PIBF1: variants seen among roughly 807,000 people sequenced by gnomAD.
The protein encoded by PIBF1 is progesterone immunomodulatory binding factor 1, also known as progesterone-induced-blocking factor 1.
In PIBF1, 90 loss-of-function variants were observed where a neutral mutation model predicts 112.5. The observed-to-expected ratio is 0.80, with a 90% CI of 0.67 to 0.95. The LOEUF (loss-of-function observed/expected upper bound fraction) is 0.95, where lower values mean the gene tolerates loss of function less well. Ranked by LOEUF, PIBF1 falls within the 40% of genes least tolerant of loss-of-function variation. The pLI is 0.00. For synonymous variants in PIBF1, 301 were observed against 288.6 expected (o/e 1.04, Z -0.44); for missense variants, 915 against 852.3 (o/e 1.07, Z -0.92).
At chr13:72,857,778 T>C (rs2038495039) in intron 10 of PIBF1, among the ~76,000 whole-genome samples, 5 of 152,124 alleles carry the variant, frequency 3.3e-5, no homozygotes. Flanking sequence ...AGGCAGAGGT[T>C]GCAGTGAGCC....
rs116772635 is a variant in PIBF1 at position 72,930,381 on chromosome 13, T to G, written c.1731-784T>G. Among the ~76,000 whole-genome samples the G allele has an allele frequency of 4.5e-3, 684 of 152,298 alleles. 7 individuals carry two copies. Among genetic ancestry groups the G allele is most frequent in the African/African-American group, 0.015 (638 of 41,562 alleles). On this transcript the variant is annotated intron_variant, in intron 13 of 17. Coordinates refer to ENST00000326291, the MANE Select transcript of PIBF1 (RefSeq NM_006346.4). The stretch of plus-strand genomic sequence containing the variant: ...GAAAATATGATAAATATGAAAATGT[T>G]AAGTTACTGGAAATGCAGAGAGGTT...
intron 10 of PIBF1, among the ~76,000 whole-genome samples, chr13:72,873,360 A>G (rs1299866257): frequency 6.6e-6 from 1 of 152,194 alleles, no homozygotes; most frequent in Non-Finnish European, 1.5e-5. Context: ...CAAAGGTTGC[A>G]TAAATAGGAC....
Position 72,792,526 on chromosome 13 carries a change from C to A in PIBF1, c.332C>A (p.Ala111Asp). ...LLTLRLDNQL[A>D]FQQKDASKYQ... ...ACATTGAGATTAGACAACCAATTGG[C>A]TTTTCAACAGAAAGATGCCAGGTAA... Residue 111 changes from alanine (A) to aspartate (D), a missense_variant, in exon 3 of 18, where the codon GCT (alanine) becomes GAT (aspartate). Coordinates refer to ENST00000326291, the MANE Select transcript of PIBF1 (RefSeq NM_006346.4). 6.5e-7 allele frequency: 1 copy of A among 1,545,478 alleles called. No homozygotes were observed. The highest frequency in any genetic ancestry group is 8.7e-7 in the Non-Finnish European group (1 of 1,148,388).
intron 11 of PIBF1, among the ~76,000 whole-genome samples, chr13:72,904,997 G>A (rs535254719): frequency 6.6e-6 from 1 of 151,278 alleles, no homozygotes; most frequent in East Asian, 2.0e-4. Flanking sequence ...ATTTAATATC[G>A]CACAACTAGT....
intron 10 of PIBF1, among the ~76,000 whole-genome samples, chr13:72,854,997 CT>C (rs1303941044): frequency 1.3e-5 from 2 of 152,106 alleles, no homozygotes; most frequent in African/African-American, 4.8e-5. Flanking sequence ...ACATTCTACA[CT>C]TTCAATTGTT....
chr13:72,907,888 A>G (rs2040757046), intron 11 of PIBF1, among the ~76,000 whole-genome samples: 1 of 152,152 alleles, frequency 6.6e-6, no homozygotes, highest in Non-Finnish European at 1.5e-5. Context: ...TCAATGAATT[A>G]CCATTGGAGT....
chr13:72,856,857 A>G (rs1030697915), intron 10 of PIBF1, among the ~76,000 whole-genome samples: 1 of 152,182 alleles, frequency 6.6e-6, no homozygotes, highest in African/African-American at 2.4e-5. Context: ...TGACTTTGAA[A>G]CTTGACAAAC....
intron 14 of PIBF1, among the ~76,000 whole-genome samples, chr13:72,942,502 A>G (rs1179871929): frequency 2.0e-5 from 3 of 152,148 alleles, no homozygotes; most frequent in Admixed American, 2.0e-4. Flanking sequence ...CTTAAATGAC[A>G]ATTGTACTCA....
intron 4 of PIBF1, among the ~76,000 whole-genome samples, chr13:72,797,527 G>A (rs1224063000): frequency 6.6e-6 from 1 of 152,188 alleles, no homozygotes; most frequent in Admixed American, 6.5e-5. Context: ...CAAGGCATGA[G>A]CCATGCATTT....
At chr13:72,995,568 G>A (rs1041072719) in intron 16 of PIBF1, among the ~76,000 whole-genome samples, 31 of 152,154 alleles carry the variant, frequency 2.0e-4, no homozygotes, top group Non-Finnish European at 2.8e-4. Flanking sequence ...GTTGTTATAG[G>A]AGAGCCATCT....
At chr13:72,801,756 G>C (rs1165390475) in intron 5 of PIBF1, among the ~76,000 whole-genome samples, 2 of 152,124 alleles carry the variant, frequency 1.3e-5, no homozygotes, top group Admixed American at 6.5e-5. Flanking sequence ...CGCAGTTCTG[G>C]CATATTATTT....
intron 16 of PIBF1, among the ~76,000 whole-genome samples, chr13:72,993,842 A>G (rs1284070393): frequency 3.3e-5 from 5 of 152,066 alleles, no homozygotes; most frequent in Non-Finnish European, 5.9e-5. Context: ...TGTTTCTTTT[A>G]CAGCACCAGC....
intron 11 of PIBF1, among the ~76,000 whole-genome samples, chr13:72,905,147 A>G (rs183239092): frequency 1.3e-5 from 2 of 151,378 alleles, no homozygotes; most frequent in Admixed American, 1.3e-4. Context: ...AGCTCACCGC[A>G]ACCTCTGTCT....
intron 17 of PIBF1, among the ~76,000 whole-genome samples, chr13:73,010,552 G>A (rs1288862013): frequency 3.3e-5 from 5 of 151,966 alleles, no homozygotes; most frequent in Middle Eastern, 3.2e-3. Flanking sequence ...GCAGTGGGCC[G>A]AGATTGCGTG....
rs191265399 is a variant in PIBF1, at chr13:72,990,553, A to G, written c.2050-8269A>G. ...CAAAAAAAAAAAAAAAAAACCTTTT[A>G]AATGAAGTTTAAAGCTGGGCATGGT... On this transcript the variant is annotated intron_variant, in intron 16 of 17. Coordinates refer to ENST00000326291, the MANE Select transcript of PIBF1 (RefSeq NM_006346.4). Among the ~76,000 whole-genome samples the G allele has an allele frequency of 4.4e-3, 654 of 148,528 alleles. 5 individuals are homozygous for G. The highest frequency in any genetic ancestry group is 0.016 in the African/African-American group (632 of 40,436).
intron 10 of PIBF1, among the ~76,000 whole-genome samples, chr13:72,858,023 T>C: frequency 7.1e-6 from 1 of 141,314 alleles, no homozygotes; most frequent in African/African-American, 2.7e-5. Flanking sequence ...CAAATGTACA[T>C]TGTGTGTGTG....
chr13:72,815,475 G>A (rs1023648662), intron 5 of PIBF1, among the ~76,000 whole-genome samples: 3 of 152,104 alleles, frequency 2.0e-5, no homozygotes, highest in African/African-American at 7.2e-5. Context: ...ATAAAATCTT[G>A]GAACATGGAA....
Position 72,965,405 on chromosome 13 carries a change from G to A in PIBF1, c.1964+1G>A, listed in dbSNP as rs2042714749. The A allele has an allele frequency of 1.2e-6, 2 of 1,600,370 alleles. No individual in the cohort carries two copies. Among genetic ancestry groups the A allele is most frequent in the Non-Finnish European group, 1.7e-6 (2 of 1,174,308 alleles). ...TTGCACAACTTGAGAAAGATGTCAG[G>A]TAAACCATCTACAAATCTTTTATTT... is the stretch of plus-strand genomic sequence containing the variant. On this transcript the variant is annotated splice_donor_variant, in intron 15 of 17. Coordinates refer to ENST00000326291, the MANE Select transcript of PIBF1 (RefSeq NM_006346.4). LOFTEE classifies it high-confidence loss of function.
chr13:72,985,490 G>A (rs1485285189), intron 16 of PIBF1, among the ~76,000 whole-genome samples: 1 of 151,750 alleles, frequency 6.6e-6, no homozygotes, highest in Non-Finnish European at 1.5e-5. Flanking sequence ...AGTGCAGTGA[G>A]CCAAGATCAC....
Sources: allele counts gnomAD v4.1 joint callset (sites outside exome capture counted in the v4.1 genomes callset), GRCh38; gene constraint gnomAD v4.1.1; transcripts MANE v1.5; gene names NCBI Gene and HGNC (gene_info 2026-07-23, HGNC 2026-07-21).